The following CNBD1 variants were observed in gnomAD, a reference collection of about 807,000 sequenced individuals.
The protein encoded by CNBD1 is cyclic nucleotide-binding domain-containing protein 1.
A neutral mutation model predicts 54.4 loss-of-function variants in CNBD1; 71 were observed. The observed-to-expected ratio is 1.30, with a 90% CI of 1.08 to 1.59. The LOEUF is 1.59. Among genes scored for constraint, CNBD1 ranks in the 40% most tolerant of loss-of-function variants. The pLI, the probability that CNBD1 is intolerant of heterozygous loss-of-function variation, is 0.00. For missense variants in CNBD1, 659 were observed against 518.0 expected (o/e 1.27, Z -2.64); for synonymous variants, 182 against 170.7 (o/e 1.07, Z -0.51).
chr8:87,418,944 C>T (rs1297003852), intron 2 of CNBD1, among the ~76,000 whole-genome samples: 1 of 151,886 alleles, frequency 6.6e-6, no homozygotes, highest in Admixed American at 6.6e-5. Flanking sequence ...AGCAATTCCA[C>T]TTCTATGTAT....
intron 8 of CNBD1, among the ~76,000 whole-genome samples, chr8:87,304,200 G>A (rs547826070): frequency 1.7e-4 from 26 of 151,760 alleles, no homozygotes; most frequent in East Asian, 5.8e-4. Flanking sequence ...TGTTTATTGC[G>A]GCACTATTCA....
chr8:87,195,225 A>ATTT (rs35035648), intron 4 of CNBD1, among the ~76,000 whole-genome samples: 7 of 119,774 alleles, frequency 5.8e-5, no homozygotes, highest in African/African-American at 9.6e-5. Flanking sequence ...GAGAAAATTG[A>ATTT]TTTTTTTTTT....
At position 87,404,634 on chromosome 8, in the gene CNBD1, A is replaced by G. The variant is rs1481627261; in HGVS notation, c.214-23912A>G. Among the ~76,000 whole-genome samples, 3 of 152,094 alleles carry G rather than the reference A, an allele frequency of 2.0e-5. No homozygotes were observed. In the East Asian group the frequency reaches 5.8e-4, roughly 29 times the overall value. ...TTTGTTCGTTTATGTCCTGTTTGGA[A>G]AAATGGATCTGTAGTACCCACAGTG... On this transcript the variant is annotated intron_variant, in intron 2 of 7. Coordinates refer to the CNBD1 transcript ENST00000521593.
At chr8:86,968,091 G>A (rs1218634563) in intron 4 of CNBD1, among the ~76,000 whole-genome samples, 4 of 152,114 alleles carry the variant, frequency 2.6e-5, no homozygotes, top group Non-Finnish European at 5.9e-5. Context: ...GTGGGTTGAA[G>A]TTGAGCATTT....
intron 3 of CNBD1, among the ~76,000 whole-genome samples, chr8:86,909,458 T>C (rs1365838015): frequency 6.6e-6 from 1 of 152,212 alleles, no homozygotes; most frequent in Admixed American, 6.5e-5. Context: ...ATTTGGTAAA[T>C]AGTTTACATT....
At chr8:87,111,767 C>T (rs1377738473) in intron 4 of CNBD1, among the ~76,000 whole-genome samples, 1 of 152,068 alleles carries the variant, frequency 6.6e-6, no homozygotes, top group Non-Finnish European at 1.5e-5. Context: ...TCCATGGATC[C>T]CTGTGGGTTA....
At chr8:87,047,141 T>G (rs914256214) in intron 4 of CNBD1, among the ~76,000 whole-genome samples, 1 of 152,160 alleles carries the variant, frequency 6.6e-6, no homozygotes, top group South Asian at 2.1e-4. Flanking sequence ...TTGCAGTATT[T>G]GAGATTTCCC....
At chr8:86,994,430 TG>T (rs1369758959) in intron 4 of CNBD1, among the ~76,000 whole-genome samples, 1 of 152,192 alleles carries the variant, frequency 6.6e-6, no homozygotes, top group Non-Finnish European at 1.5e-5. Flanking sequence ...GGTGGACAGC[TG>T]GGGCTAGAGC....
chr8:87,224,142 C>G (rs1022137075), intron 5 of CNBD1, among the ~76,000 whole-genome samples: 10 of 151,762 alleles, frequency 6.6e-5, no homozygotes, highest in South Asian at 6.3e-4. Flanking sequence ...CTGGATATTA[C>G]CCCTTTGTCA....
chr8:87,261,262 C>T (rs575259697), intron 6 of CNBD1, among the ~76,000 whole-genome samples: 1 of 152,018 alleles, frequency 6.6e-6, no homozygotes, highest in South Asian at 2.1e-4. Flanking sequence ...GGGAGCTTAC[C>T]CACGATCCCC....
intron 2 of CNBD1, among the ~76,000 whole-genome samples, chr8:87,414,117 C>T (rs923384116): frequency 6.6e-6 from 1 of 152,014 alleles, no homozygotes; most frequent in Non-Finnish European, 1.5e-5. Flanking sequence ...GACTTGGAAC[C>T]AACCCAAATG....
intron 2 of CNBD1, among the ~76,000 whole-genome samples, chr8:86,894,035 A>ATTTTTTTTTTTTTTTTTTTTTTTTT (rs869060076): frequency 3.8e-5 from 2 of 52,342 alleles, no homozygotes; most frequent in African/African-American, 6.4e-5. Flanking sequence ...TAATAGATTA[A>ATTTTTTTTTTTTTTTTTTTTTTTTT]TTTTTTTTTT....
chr8:87,063,100 A>T (rs1377677128), intron 4 of CNBD1, among the ~76,000 whole-genome samples: 2 of 152,228 alleles, frequency 1.3e-5, no homozygotes, highest in African/African-American at 4.8e-5. Context: ...GTCTGCAATG[A>T]CAACTACTAT....
intron 6 of CNBD1, among the ~76,000 whole-genome samples, chr8:87,270,049 G>A (rs1177863112): frequency 6.6e-6 from 1 of 151,912 alleles, no homozygotes; most frequent in African/African-American, 2.4e-5. Flanking sequence ...ACATATAAAA[G>A]TTAATTCACC....
At chr8:87,008,394 C>T (rs540108223) in intron 4 of CNBD1, among the ~76,000 whole-genome samples, 1 of 152,218 alleles carries the variant, frequency 6.6e-6, no homozygotes, top group East Asian at 1.9e-4. Context: ...TACTGATTTT[C>T]TCAGATGTTT....
chr8:87,395,836 T>G (rs985068130), intron 2 of CNBD1, among the ~76,000 whole-genome samples: 5 of 151,872 alleles, frequency 3.3e-5, no homozygotes, highest in Admixed American at 6.6e-5. Context: ...TTACCTGGAT[T>G]CATACTGTCA....
At chr8:86,960,891 A>T (rs1198942859) in intron 4 of CNBD1, among the ~76,000 whole-genome samples, 1 of 152,212 alleles carries the variant, frequency 6.6e-6, no homozygotes, top group Admixed American at 6.5e-5. Flanking sequence ...GTGGACCTCC[A>T]GCAAACTCCA....
rs189477431 is a variant in CNBD1 at position 87,069,309 on chromosome 8, T to A, written c.431+129555T>A. ...CTATGTCAAGCAGTGGCAGATATAGTCATGGCTACATAATTAACATTTTGA... is the reference window on the plus strand; with the variant it reads ...CTATGTCAAGCAGTGGCAGATATAGACATGGCTACATAATTAACATTTTGA... On this transcript the variant is annotated intron_variant, in intron 4 of 10. Coordinates refer to ENST00000518476, the MANE Select transcript of CNBD1 (RefSeq NM_173538.3). Among the ~76,000 whole-genome samples, 700 of 152,198 alleles carry A rather than the reference T, an allele frequency of 4.6e-3. 4 individuals carry two copies. Among genetic ancestry groups the A allele is most frequent in the Admixed American group, 7.4e-3 (113 of 15,286 alleles).
chr8:87,297,148 A>C (rs1808892237), intron 8 of CNBD1, among the ~76,000 whole-genome samples: 2 of 142,022 alleles, frequency 1.4e-5, no homozygotes, highest in African/African-American at 2.7e-5. Context: ...ACTGCAGTCC[A>C]GCCTGGGTCC....
Sources: allele counts gnomAD v4.1 joint callset (sites outside exome capture counted in the v4.1 genomes callset), GRCh38; gene constraint gnomAD v4.1.1; transcripts MANE v1.5; gene names NCBI Gene and HGNC (gene_info 2026-07-23, HGNC 2026-07-21).